The following MALRD1 variants were observed in gnomAD, a reference collection of about 807,000 sequenced individuals.
MALRD1 encodes the protein MAM and LDL-receptor class A domain-containing protein 1.
In MALRD1, 247 loss-of-function variants were observed where a neutral mutation model predicts 242.1. That is an observed-to-expected ratio of 1.02 (90% CI 0.92 to 1.13). MALRD1 has a LOEUF of 1.13. Ranked by LOEUF, MALRD1 falls within the 50% of genes most tolerant of loss-of-function variation. The probability of loss-of-function intolerance (pLI) is 0.00; values close to 1 mark genes in which losing one functional copy is unlikely to be tolerated. For synonymous variants in MALRD1, 995 were observed against 866.6 expected, an observed-to-expected ratio of 1.15 and a Z score of -2.60; for missense variants, 2,989 against 2,533.1, an observed-to-expected ratio of 1.18 and a Z score of -3.86.
chr10:19,240,506 C>G (rs547615793), intron 18 of MALRD1, among the ~76,000 whole-genome samples: 35 of 152,082 alleles, frequency 2.3e-4, no homozygotes, highest in East Asian at 3.9e-4. Flanking sequence ...ATCACATTTT[C>G]TACAAACAGA....
chr10:19,239,625 G>A (rs1838668451), intron 18 of MALRD1, among the ~76,000 whole-genome samples: 1 of 152,036 alleles, frequency 6.6e-6, no homozygotes, highest in Non-Finnish European at 1.5e-5. Flanking sequence ...GTTTTTCGTA[G>A]TTTTCAATCT....
intron 2 of MALRD1, among the ~76,000 whole-genome samples, chr10:19,073,121 G>C (rs535652366): frequency 6.6e-6 from 1 of 151,978 alleles, no homozygotes; most frequent in Admixed American, 6.6e-5. Flanking sequence ...CACCATGTTG[G>C]CCAGACTGGT....
chr10:19,641,003 A>G (rs1204304850), intron 36 of MALRD1, among the ~76,000 whole-genome samples: 1 of 152,160 alleles, frequency 6.6e-6, no homozygotes, highest in African/African-American at 2.4e-5. Flanking sequence ...ACATTTATTT[A>G]TCTTGGATAT....
At chr10:19,293,116 T>C (rs1052752018) in intron 21 of MALRD1, among the ~76,000 whole-genome samples, 1 of 152,186 alleles carries the variant, frequency 6.6e-6, no homozygotes, top group Non-Finnish European at 1.5e-5. Flanking sequence ...CAATATTTTA[T>C]AGGCCAGTTT....
At chr10:19,348,570 C>T (rs1162724243) in intron 25 of MALRD1, among the ~76,000 whole-genome samples, 1 of 152,032 alleles carries the variant, frequency 6.6e-6, no homozygotes, top group Non-Finnish European at 1.5e-5. Context: ...GGTCATTAGC[C>T]TGTGAAAAAA....
At position 19,662,992 on chromosome 10, in the gene MALRD1, A is replaced by AT. The variant is rs60326259; in HGVS notation, c.6138-29284dup. 7.3e-3 allele frequency among the ~76,000 whole-genome samples: 1,107 copies of AT among 152,176 alleles called. 14 individuals carry two copies. The highest frequency in any genetic ancestry group is 0.025 in the African/African-American group (1,035 of 41,536). On this transcript the variant is annotated intron_variant, in intron 36 of 39. Coordinates refer to ENST00000454679, the MANE Select transcript of MALRD1 (RefSeq NM_001142308.3). ...ATGGCTTGAGTGGCCCTGTAGTGGG[A>AT]TTTTTTGTAATTGCTAGATTTCTAT...
chr10:19,569,349 C>T (rs1230067753), intron 33 of MALRD1, among the ~76,000 whole-genome samples: 3 of 151,904 alleles, frequency 2.0e-5, no homozygotes, highest in Non-Finnish European at 4.4e-5. Flanking sequence ...CTTTACTTTG[C>T]TGGTATTTTT....
At chr10:19,453,912 A>G (rs2358396) in intron 29 of MALRD1, among the ~76,000 whole-genome samples, 45,015 of 151,624 alleles carry the variant, frequency 0.3, 6,747 homozygotes, top group Admixed American at 0.39. Context: ...ACATAAGCCA[A>G]GCATTGTGGC....
intron 36 of MALRD1, among the ~76,000 whole-genome samples, chr10:19,662,117 C>A (rs1841469796): frequency 6.6e-6 from 1 of 151,940 alleles, no homozygotes; most frequent in African/African-American, 2.4e-5. Context: ...TTATTATGTA[C>A]TATTCTAAGT....
At chr10:19,479,840 T>C (rs558342014) in intron 29 of MALRD1, among the ~76,000 whole-genome samples, 1 of 152,286 alleles carries the variant, frequency 6.6e-6, no homozygotes, top group South Asian at 2.1e-4. Context: ...TGATCATGAC[T>C]TTTCCATCCA....
At chr10:19,585,032 A>G (rs1837316720) in intron 33 of MALRD1, among the ~76,000 whole-genome samples, 1 of 150,516 alleles carries the variant, frequency 6.6e-6, no homozygotes, top group African/African-American at 2.5e-5. Context: ...GTTTTATCAG[A>G]GACTAGGATT....
chr10:19,156,257 A>T (rs1834138377), intron 12 of MALRD1, among the ~76,000 whole-genome samples: 1 of 151,554 alleles, frequency 6.6e-6, no homozygotes, highest in South Asian at 2.1e-4. Context: ...GTGTCCATAG[A>T]TACTTTCTTT....
At chr10:19,187,173 T>C (rs1468236001) in intron 14 of MALRD1, among the ~76,000 whole-genome samples, 2 of 152,220 alleles carry the variant, frequency 1.3e-5, no homozygotes, top group African/African-American at 4.8e-5. Flanking sequence ...AACTAATTTA[T>C]AGCTCTGTAA....
intron 36 of MALRD1, among the ~76,000 whole-genome samples, chr10:19,670,972 G>A (rs911063958): frequency 8.6e-5 from 13 of 150,754 alleles, no homozygotes; most frequent in South Asian, 4.2e-4. Flanking sequence ...TCCGCCTCCC[G>A]GGTTCACGCC....
intron 36 of MALRD1, among the ~76,000 whole-genome samples, chr10:19,636,899 A>T (rs1424254850): frequency 1.0e-5 from 1 of 98,562 alleles, no homozygotes; most frequent in African/African-American, 6.8e-5. Flanking sequence ...ACTCTGTCTC[A>T]AAAAAAAAAA....
chr10:19,163,126 G>GAA (rs370462179), intron 12 of MALRD1, among the ~76,000 whole-genome samples: 22 of 72,588 alleles, frequency 3.0e-4, no homozygotes, highest in African/African-American at 1.2e-3. Flanking sequence ...CAACTGGAGT[G>GAA]AAACCCTGTC....
rs1221543574 is a variant in MALRD1, at chr10:19,324,087, C to T, written c.3558C>T (p.Ala1186=). 1 of 1,550,250 alleles carries T rather than the reference C, an allele frequency of 6.5e-7. No individual in the cohort carries two copies. The highest frequency in any genetic ancestry group is 2.4e-5 in the East Asian group (1 of 40,884). ...TLVFWTHMNG[A]TVGSLQVLIK... is the part of the protein sequence containing the mutation. ...TGTTCTGGACACATATGAATGGGGC[C>T]ACCGTTGGTTCTCTCCAGGTACTGC... Residue 1186 remains alanine, a synonymous_variant, in exon 22 of 40, where the codon GCC becomes GCT. Coordinates refer to ENST00000454679, the MANE Select transcript of MALRD1 (RefSeq NM_001142308.3).
At chr10:19,507,512 CATA>C (rs543809429) in intron 31 of MALRD1, among the ~76,000 whole-genome samples, 3 of 151,488 alleles carry the variant, frequency 2.0e-5, no homozygotes, top group Admixed American at 6.6e-5. Context: ...GAAGACAATA[CATA>C]ATAATAATAA....
rs566073428 is a variant in MALRD1 at position 19,569,447 on chromosome 10, A to G, written c.5680+1744A>G. Among the ~76,000 whole-genome samples the G allele has an allele frequency of 1.8e-4, 28 of 151,722 alleles. No individual in the cohort carries two copies. In the South Asian group the frequency reaches 5.4e-3, roughly 29 times the overall value. ...TCCAAATGGGCCTTCACCTGTCTCC[A>G]AACTCTTTTTCTCACCATTTATCTC... On this transcript the variant is annotated intron_variant, in intron 33 of 39. Coordinates refer to ENST00000454679, the MANE Select transcript of MALRD1 (RefSeq NM_001142308.3).
Sources: allele counts gnomAD v4.1 joint callset (sites outside exome capture counted in the v4.1 genomes callset), GRCh38; gene constraint gnomAD v4.1.1; transcripts MANE v1.5; gene names NCBI Gene and HGNC (gene_info 2026-07-23, HGNC 2026-07-21).